STAT4: variants seen among roughly 807,000 people sequenced by gnomAD.
STAT4 encodes the protein signal transducer and activator of transcription 4.
In STAT4, 42 loss-of-function variants were observed where a neutral mutation model predicts 110.5. That is an observed-to-expected ratio of 0.38 (90% CI 0.30 to 0.49). STAT4 has a LOEUF of 0.49. Ranked by LOEUF, STAT4 falls within the 20% of genes least tolerant of loss-of-function variation. STAT4 has a pLI of 0.95. For synonymous variants in STAT4, 284 were observed against 302.2 expected (o/e 0.94, Z 0.63); for missense variants, 632 against 887.9 (o/e 0.71, Z 3.66).
At position 191,146,821 on chromosome 2, in the gene STAT4, A is replaced by G; in HGVS notation, c.129-64T>C. 1 of 1,411,316 alleles carries G rather than the reference A, an allele frequency of 7.1e-7. No homozygotes were observed. Among genetic ancestry groups the G allele is most frequent in the Non-Finnish European group, 9.3e-7 (1 of 1,072,368 alleles). 87.4% of individuals were successfully genotyped at this position (1,411,316 alleles called of 1,614,324 possible). A position where few individuals can be genotyped will look rare whatever the true frequency, so the allele number is the denominator to read the frequency against. ...TTTGTAAAATGTCTACTTTTTTACC[A>G]TACTAACTTTAAAACAATAAACCTA... On this transcript the variant is annotated intron_variant, in intron 2 of 23. Transcript: ENST00000392320. The surrounding 1 kb of genome is among the most constrained non-coding windows in gnomAD (Gnocchi z 4.5).
chr2:191,078,277 A>G (rs1194629806), intron 3 of STAT4, among the ~76,000 whole-genome samples: 2 of 152,156 alleles, frequency 1.3e-5, no homozygotes, highest in Non-Finnish European at 2.9e-5. Flanking sequence ...TATGCCGATC[A>G]TTCAGATACT....
chr2:191,096,082 C>A (rs1194374367), intron 3 of STAT4, among the ~76,000 whole-genome samples: 1 of 152,114 alleles, frequency 6.6e-6, no homozygotes, highest in African/African-American at 2.4e-5. Flanking sequence ...GAAGTTGAAT[C>A]CCTGAATAGA....
intron 14 of STAT4, among the ~76,000 whole-genome samples, chr2:191,052,744 C>G (rs1242015426): frequency 1.3e-5 from 2 of 152,184 alleles, no homozygotes; most frequent in Non-Finnish European, 2.9e-5. Flanking sequence ...TGTTGCAACT[C>G]TAGCCAGAAT....
intron 15 of STAT4, among the ~76,000 whole-genome samples, chr2:191,040,810 C>T (rs1296701069): frequency 6.6e-6 from 1 of 152,210 alleles, no homozygotes; most frequent in Non-Finnish European, 1.5e-5. Context: ...GCAATCCACC[C>T]ACCTTGGCCT....
chr2:191,147,448 C>G lies in STAT4; in HGVS notation c.128+628G>C, dbSNP rs1003894902. On this transcript the variant is annotated intron_variant, in intron 2 of 23. Transcript: ENST00000392320. The surrounding 1 kb of genome is among the most constrained non-coding windows in gnomAD (Gnocchi z 4.1). ...GTGTGATTCCAATTATCTAAAGTAC[C>G]TAGAGTAGTCAAATTCACAGAGACA... 6.6e-6 allele frequency among the ~76,000 whole-genome samples: 1 copy of G among 151,846 alleles called. No homozygotes were observed. The highest frequency in any genetic ancestry group is 6.6e-5 in the Admixed American group (1 of 15,246).
At chr2:191,136,980 C>T (rs1017613523) in intron 3 of STAT4, among the ~76,000 whole-genome samples, 2 of 151,904 alleles carry the variant, frequency 1.3e-5, no homozygotes, top group Non-Finnish European at 2.9e-5. Flanking sequence ...AAATAAAATA[C>T]TTGGGAATAA....
Position 191,121,692 on chromosome 2 carries a change from G to A in STAT4, c.273+24921C>T, listed in dbSNP as rs1489768020. On this transcript the variant is annotated intron_variant, in intron 3 of 23. Transcript: ENST00000392320. ...AAGGACAAAAAACCAAACACCGCAT[G>A]TTCTCACTCATAGGTGGGAATCGAA... Among the ~76,000 whole-genome samples, 24 of 146,674 alleles carry A rather than the reference G, an allele frequency of 1.6e-4. 1 individual carries two copies. Among genetic ancestry groups the A allele is most frequent in the Non-Finnish European group, 3.1e-4 (21 of 67,238 alleles).
chr2:191,129,606 A>T (rs1698976835), intron 3 of STAT4, among the ~76,000 whole-genome samples: 1 of 152,206 alleles, frequency 6.6e-6, no homozygotes, highest in South Asian at 2.1e-4. Flanking sequence ...TCCAAAAAAA[A>T]GGCGATGGAA....
intron 3 of STAT4, among the ~76,000 whole-genome samples, chr2:191,115,164 T>C (rs1469538944): frequency 6.6e-6 from 1 of 152,096 alleles, no homozygotes; most frequent in Non-Finnish European, 1.5e-5. Context: ...GAATCCAAAG[T>C]TGAAAGAGAT....
intron 13 of STAT4, among the ~76,000 whole-genome samples, chr2:191,055,801 C>A (rs1052050132): frequency 1.7e-4 from 26 of 152,148 alleles, no homozygotes; most frequent in African/African-American, 6.0e-4. Context: ...GAAATAAAGA[C>A]CTAACTGATT....
rs548245892 is a variant in STAT4 at position 191,062,782 on chromosome 2, C to G, written c.921G>C (p.Leu307Phe). The stretch of plus-strand genomic sequence containing the variant: ...CTTACTTCTTGAAAAGGTTGTAGAT[C>G]AAGAAGGTGACTCTTTCTAGCATGT... Reference protein sequence around the residue: ...RTHMLERVTFLIYNLFKNSFV... With the variant: ...RTHMLERVTFFIYNLFKNSFV... Residue 307 changes from leucine to phenylalanine, a missense_variant, in exon 9 of 24, where the codon TTG becomes TTC. By Grantham distance (22) the Leu-to-Phe change is conservative (BLOSUM62 0). Coordinates refer to ENST00000392320, the MANE Select transcript of STAT4 (RefSeq NM_003151.4). This position sits in a 1 kb window ranked among gnomAD's most constrained non-coding sequence, Gnocchi z 4.9. 1.8e-5 allele frequency: 29 copies of G among 1,613,808 alleles called. No individual in the cohort carries two copies. The East Asian group carries it at 6.0e-4, about 34-fold the overall frequency.
chr2:191,037,992 A>G lies in STAT4; in HGVS notation c.1434+1207T>C, dbSNP rs550730959. Among the ~76,000 whole-genome samples, 1 of 152,330 alleles carries G rather than the reference A, an allele frequency of 6.6e-6. No homozygotes were observed. The highest frequency in any genetic ancestry group is 2.1e-4 in the South Asian group (1 of 4,828). ...ATCTATAGCTCTAGATTCTCATCCT[A>G]GAGCCATGTAAATTTGGGATGATGG... On this transcript the variant is annotated intron_variant, in intron 16 of 23. Coordinates refer to ENST00000392320, the MANE Select transcript of STAT4 (RefSeq NM_003151.4). This position sits in a 1 kb window ranked among gnomAD's most constrained non-coding sequence, Gnocchi z 4.8.
chr2:191,084,847 AAAAATTATAAAAATATAAAAAGTTTATG>A (rs1471508782), intron 3 of STAT4, among the ~76,000 whole-genome samples: 1 of 151,932 alleles, frequency 6.6e-6, no homozygotes, highest in Non-Finnish European at 1.5e-5. Context: ...CTCTTTAATA[AAAAATTATAAAAATATAAAAAGTTTATG>A]AAAATCTTAC....
chr2:191,029,744 T>C lies in STAT4; in HGVS notation c.*96A>G. 8.6e-7 allele frequency: 1 copy of C among 1,167,794 alleles called. No homozygotes were observed. The highest frequency in any genetic ancestry group is 1.4e-5 in the South Asian group (1 of 72,288). 72.3% of individuals were successfully genotyped at this position (1,167,794 alleles called of 1,614,324 possible). A position where few individuals can be genotyped will look rare whatever the true frequency, so the allele number is the denominator to read the frequency against. On this transcript the variant is annotated 3_prime_UTR_variant, in exon 24 of 24. Transcript: ENST00000392320. The surrounding 1 kb of genome is among the most constrained non-coding windows in gnomAD (Gnocchi z 4.5). ...CAAACATTTCCTAGAACCTGGTATT[T>C]ACAAAGCTGAAGAAATAAAATGTGG...
At chr2:191,081,557 T>C (rs760507211) in intron 3 of STAT4, among the ~76,000 whole-genome samples, 35 of 152,342 alleles carry the variant, frequency 2.3e-4, no homozygotes, top group Non-Finnish European at 4.7e-4. Context: ...GATGGTATCT[T>C]ACTGTGGTTT....
chr2:191,033,465 T>G lies in STAT4; in HGVS notation c.1852+25A>C, dbSNP rs779081265. The G allele has an allele frequency of 6.3e-7, 1 of 1,584,562 alleles. No individual in the cohort carries two copies. The highest frequency in any genetic ancestry group is 2.2e-5 in the East Asian group (1 of 44,650). On this transcript the variant is annotated intron_variant, in intron 20 of 23. Coordinates refer to ENST00000392320, the MANE Select transcript of STAT4 (RefSeq NM_003151.4). The surrounding 1 kb of genome is among the most constrained non-coding windows in gnomAD (Gnocchi z 6.9). Reference sequence around the variant, plus strand: ...CAAATTTAAGAAAACTAATTTCACATGAATAAACATTAGTGAGTATATACC... The same window carrying G: ...CAAATTTAAGAAAACTAATTTCACAGGAATAAACATTAGTGAGTATATACC...
chr2:191,039,179 G>A lies in STAT4; in HGVS notation c.1434+20C>T. ...CAAATCGAATAGCATTAAAGAAGTTGAGGTAGAAATAGAGTCTACCTGGGA... is the reference window on the plus strand; with the variant it reads ...CAAATCGAATAGCATTAAAGAAGTTAAGGTAGAAATAGAGTCTACCTGGGA... On this transcript the variant is annotated intron_variant, in intron 16 of 23. Coordinates refer to ENST00000392320, the MANE Select transcript of STAT4 (RefSeq NM_003151.4). This position sits in a 1 kb window ranked among gnomAD's most constrained non-coding sequence, Gnocchi z 4.7. 6 of 1,594,096 alleles carry A rather than the reference G, an allele frequency of 3.8e-6. No homozygotes were observed. Among genetic ancestry groups the A allele is most frequent in the Non-Finnish European group, 5.2e-6 (6 of 1,161,712 alleles).
At position 191,030,837 on chromosome 2, in the gene STAT4, G is replaced by A. The variant is rs1427186093; in HGVS notation, c.2220+135C>T. Reference sequence around the variant, plus strand: ...GCAGGACCATCCAGACACCTTTTGTGTTATGCTCATGAATTTGTTCCAATA... The same window carrying A: ...GCAGGACCATCCAGACACCTTTTGTATTATGCTCATGAATTTGTTCCAATA... On this transcript the variant is annotated intron_variant, in intron 23 of 23. Transcript: ENST00000392320. The surrounding 1 kb of genome is among the most constrained non-coding windows in gnomAD (Gnocchi z 4.4). The A allele has an allele frequency of 1.4e-5, 11 of 763,794 alleles. No individual in the cohort carries two copies. In the East Asian group the frequency reaches 2.8e-4, roughly 19 times the overall value. The allele number at this position is 763,794 out of a possible 1,614,324, so 47.3% of individuals were successfully genotyped here. A position where few individuals can be genotyped will look rare whatever the true frequency, so the allele number is the denominator to read the frequency against.
Position 191,100,442 on chromosome 2 carries a change from C to T in STAT4, c.274-24117G>A, listed in dbSNP as rs1046855194. Among the ~76,000 whole-genome samples the T allele has an allele frequency of 3.3e-5, 5 of 152,136 alleles. No homozygotes were observed. In the South Asian group the frequency reaches 8.3e-4, roughly 25 times the overall value. On this transcript the variant is annotated intron_variant, in intron 3 of 23. Transcript: ENST00000392320. ...TGACTTGCAGGTACACAGAGTCATA[C>T]CGCAAAGTAGTCTTTGGGCTGGTCT...
Sources: allele counts gnomAD v4.1 joint callset (sites outside exome capture counted in the v4.1 genomes callset), GRCh38; gene constraint gnomAD v4.1.1; non-coding constraint Gnocchi (gnomAD v3.1); transcripts MANE v1.5; gene names NCBI Gene and HGNC (gene_info 2026-07-23, HGNC 2026-07-21).